DNAH9: variants seen among roughly 807,000 people sequenced by gnomAD.
The protein encoded by DNAH9 is dynein axonemal heavy chain 9, also known as DNAH9 variant protein.
Under a neutral mutation model 471.6 loss-of-function variants are expected in DNAH9, and 345 were observed. That is an observed-to-expected ratio of 0.73 (90% confidence interval 0.67 to 0.80). The LOEUF (loss-of-function observed/expected upper bound fraction) is 0.80, where lower values mean the gene tolerates loss of function less well. Among genes scored for constraint, DNAH9 ranks in the 30% least tolerant of loss-of-function variants. The probability of loss-of-function intolerance (pLI) is 0.00; values close to 1 mark genes in which losing one functional copy is unlikely to be tolerated. For missense variants in DNAH9, 5,407 were observed against 5,609.2 expected, an observed-to-expected ratio of 0.96 and a Z score of 1.15; for synonymous variants, 2,093 against 2,123.6, an observed-to-expected ratio of 0.99 and a Z score of 0.40.
At chr17:11,710,266 A>G (rs2074806253) in intron 26 of DNAH9, among the ~76,000 whole-genome samples, 1 of 152,178 alleles carries the variant, frequency 6.6e-6, no homozygotes, top group Admixed American at 6.5e-5. Context: ...TTTATGTAAC[A>G]TAACCATATT....
intron 14 of DNAH9, among the ~76,000 whole-genome samples, chr17:11,662,747 CTTTTTTTTTTTTT>C (rs71142226): frequency 4.4e-5 from 2 of 45,464 alleles, no homozygotes; most frequent in East Asian, 1.8e-3. Flanking sequence ...TTGAGGCTCG[CTTTTTTTTTTTTT>C]TTTTTTTTTT....
At chr17:11,900,293 G>A (rs962953543) in intron 59 of DNAH9, among the ~76,000 whole-genome samples, 1 of 151,872 alleles carries the variant, frequency 6.6e-6, no homozygotes, top group Non-Finnish European at 1.5e-5. Context: ...AAGCCACAGA[G>A]CCCATGTGAA....
At chr17:11,720,350 T>C (rs369280215) in intron 27 of DNAH9, among the ~76,000 whole-genome samples, 17 of 152,298 alleles carry the variant, frequency 1.1e-4, no homozygotes, top group African/African-American at 2.4e-4. Flanking sequence ...CTGCACCCAT[T>C]AACTCATCAT....
Position 11,763,624 on chromosome 17 carries a change from T to TA in DNAH9, c.7170+11dup, listed in dbSNP as rs1158433238. On this transcript the variant is annotated intron_variant, in intron 36 of 68. Coordinates refer to ENST00000262442, the MANE Select transcript of DNAH9 (RefSeq NM_001372.4). Reference sequence around the variant, plus strand: ...AATGGTCCAAGATCAGGTAAGGAGATATGTTGAGCTCAACAACCACACTGA... The same window carrying TA: ...AATGGTCCAAGATCAGGTAAGGAGATAATGTTGAGCTCAACAACCACACTGA... 1.4e-5 allele frequency: 23 copies of TA among 1,612,832 alleles called. No homozygotes were observed. The highest frequency in any genetic ancestry group is 2.0e-5 in the Non-Finnish European group (23 of 1,179,372).
At chr17:11,922,555 A>G (rs553150665) in intron 61 of DNAH9, among the ~76,000 whole-genome samples, 1 of 152,286 alleles carries the variant, frequency 6.6e-6, no homozygotes, top group African/African-American at 2.4e-5. Flanking sequence ...GTCTTGCTTC[A>G]GTGGTATGGC....
At chr17:11,868,817 C>T (rs1161376250) in intron 50 of DNAH9, among the ~76,000 whole-genome samples, 2 of 152,108 alleles carry the variant, frequency 1.3e-5, no homozygotes, top group Non-Finnish European at 2.9e-5. Flanking sequence ...ATCCCTGACA[C>T]CTCGTAGCGT....
chr17:11,762,092 T>G (rs1410560551), intron 35 of DNAH9, among the ~76,000 whole-genome samples: 1 of 152,214 alleles, frequency 6.6e-6, no homozygotes, highest in Non-Finnish European at 1.5e-5. Flanking sequence ...GGAGTCAGTC[T>G]TCTCGTCACT....
chr17:11,604,753 C>T (rs2072463663), intron 1 of DNAH9, among the ~76,000 whole-genome samples: 1 of 152,004 alleles, frequency 6.6e-6, no homozygotes, highest in South Asian at 2.1e-4. Context: ...ATTGGCTATA[C>T]CTTCAAAATT....
At position 11,679,767 on chromosome 17, in the gene DNAH9, C is replaced by T; in HGVS notation, c.3364C>T (p.Leu1122=). The change falls in exon 18 of 69, where the codon CTG becomes TTG. Residue 1122 remains leucine, a synonymous_variant. Coordinates refer to ENST00000262442, the MANE Select transcript of DNAH9 (RefSeq NM_001372.4). ...GTTTGTGTTGATTAGCTTGGCCAAC[C>T]TGGATGCGTTTATAAAGAAGAGTGA... ...VDHVTHSLAN[L]DAFIKKSESG... is the part of the protein sequence containing the mutation. 1 of 1,613,322 alleles carries T rather than the reference C, an allele frequency of 6.2e-7. No homozygotes were observed. The highest frequency in any genetic ancestry group is 8.5e-7 in the Non-Finnish European group (1 of 1,179,416).
chr17:11,643,875 AGTGTTT>A (rs1207570590), intron 10 of DNAH9, among the ~76,000 whole-genome samples: 1 of 152,346 alleles, frequency 6.6e-6, no homozygotes, highest in Non-Finnish European at 1.5e-5. Flanking sequence ...CACTATACTA[AGTGTTT>A]GTGTATCTAA....
In DNAH9 at chr17:11,784,184, A is replaced by T. The variant is rs940053056; in HGVS notation, c.7822-116A>T. 6 of 1,514,268 alleles carry T rather than the reference A, an allele frequency of 4.0e-6. No homozygotes were observed. In the African/African-American group the frequency reaches 8.3e-5, roughly 21 times the overall value. 93.8% of individuals were successfully genotyped at this position (1,514,268 alleles called of 1,614,324 possible). On this transcript the variant is annotated intron_variant, in intron 40 of 68. Coordinates refer to ENST00000262442, the MANE Select transcript of DNAH9 (RefSeq NM_001372.4). ...ATTTGGGCATAGTGTGAGAGATGGG[A>T]CCAAAATATAGATTCGAAGGCTGTA...
At chr17:11,865,918 C>T (rs4302089) in intron 50 of DNAH9, among the ~76,000 whole-genome samples, 71,097 of 151,902 alleles carry the variant, frequency 0.47, 17,181 homozygotes, top group Non-Finnish European at 0.53. Flanking sequence ...GTTATACATT[C>T]GTCTAAATTT....
chr17:11,734,616 T>C (rs1353097914), intron 28 of DNAH9, among the ~76,000 whole-genome samples: 1 of 152,120 alleles, frequency 6.6e-6, no homozygotes, highest in Non-Finnish European at 1.5e-5. Flanking sequence ...CAGAAGGAAG[T>C]GGGGGACCCA....
intron 27 of DNAH9, among the ~76,000 whole-genome samples, chr17:11,720,361 T>G (rs2075034815): frequency 6.6e-6 from 1 of 152,134 alleles, no homozygotes; most frequent in Admixed American, 6.5e-5. Context: ...AACTCATCAT[T>G]TATATTAGTT....
chr17:11,608,186 T>G lies in DNAH9; in HGVS notation c.475T>G (p.Cys159Gly), dbSNP rs763537227. ...KNRLNWPHMI[C>G]EDVRRHAHSL... ...TCGCCTAAACTGGCCCCACATGATA[T>G]GTGAGGATGTCAGGCGGCACGCCCA... is the stretch of plus-strand genomic sequence containing the variant. Residue 159 changes from cysteine (C) to glycine (G), a missense_variant, in exon 2 of 69, where the codon TGT (cysteine) becomes GGT (glycine). Physicochemically the swap from Cys to Gly is radical, Grantham distance 159. Coordinates refer to ENST00000262442, the MANE Select transcript of DNAH9 (RefSeq NM_001372.4). 1 of 1,613,834 alleles carries G rather than the reference T, an allele frequency of 6.2e-7. No individual in the cohort carries two copies. Among genetic ancestry groups the G allele is most frequent in the Admixed American group, 1.7e-5 (1 of 60,002 alleles).
chr17:11,910,900 C>T (rs535832008), intron 61 of DNAH9, among the ~76,000 whole-genome samples: 4 of 152,194 alleles, frequency 2.6e-5, no homozygotes, highest in East Asian at 1.9e-4. Context: ...GTCCTTTTAT[C>T]GTTGAGTTAT....
At chr17:11,627,423 T>C (rs1465942775) in intron 6 of DNAH9, among the ~76,000 whole-genome samples, 1 of 152,236 alleles carries the variant, frequency 6.6e-6, no homozygotes, top group Non-Finnish European at 1.5e-5. Context: ...TGGTACGAAG[T>C]ATTTCCTAGA....
In DNAH9 at chr17:11,924,594, G is replaced by A. The variant is rs1020609720; in HGVS notation, c.11877+653G>A. 1.0e-4 allele frequency among the ~76,000 whole-genome samples: 13 copies of A among 127,668 alleles called. No homozygotes were observed. The South Asian group carries it at 2.4e-3, about 24-fold the overall frequency. 83.8% of individuals were successfully genotyped at this position (127,668 alleles called of 152,430 possible). On this transcript the variant is annotated intron_variant, in intron 62 of 68. Transcript: ENST00000262442. Reference sequence around the variant, plus strand: ...TCATTTAACCAATTTTCCAATTTTCGTTTCAACAATTACTACTAACTCTTT... The same window carrying A: ...TCATTTAACCAATTTTCCAATTTTCATTTCAACAATTACTACTAACTCTTT...
chr17:11,779,884 T>C (rs1968604518), intron 38 of DNAH9, among the ~76,000 whole-genome samples: 1 of 152,214 alleles, frequency 6.6e-6, no homozygotes, highest in South Asian at 2.1e-4. Flanking sequence ...GACCAGAAAA[T>C]TAGAATATTC....
Sources: gnomAD v4.1 joint callset for allele counts (sites outside exome capture counted in the v4.1 genomes callset) on GRCh38, gnomAD v4.1.1 for gene constraint, MANE v1.5 for transcripts, NCBI Gene and HGNC (gene_info 2026-07-23, HGNC 2026-07-21) for gene names.